The following SIPA1L2 variants were observed in gnomAD, a reference collection of about 807,000 sequenced individuals.
The protein encoded by SIPA1L2 is signal induced proliferation associated 1 like 2.
SIPA1L2 carries 56 observed loss-of-function variants against 163.9 expected under a neutral mutation model. That is an observed-to-expected ratio of 0.34 (90% CI 0.28 to 0.43). The LOEUF is 0.43. Ranked by LOEUF, SIPA1L2 falls within the 20% of genes least tolerant of loss-of-function variation. The probability of loss-of-function intolerance (pLI) is 1.00; values close to 1 mark genes in which losing one functional copy is unlikely to be tolerated. For missense variants in SIPA1L2, 1,974 were observed against 2,193.5 expected, an observed-to-expected ratio of 0.90 and a Z score of 2.00; for synonymous variants, 877 against 865.7, an observed-to-expected ratio of 1.01 and a Z score of -0.23.
At chr1:232,570,105 G>A (rs1000703083) in intron 2 of SIPA1L2, among the ~76,000 whole-genome samples, 1 of 152,204 alleles carries the variant, frequency 6.6e-6, no homozygotes, top group African/African-American at 2.4e-5. Context: ...CTGAAACACA[G>A]ACCGCTGTAA....
chr1:232,538,493 C>T (rs1657446028), intron 2 of SIPA1L2, among the ~76,000 whole-genome samples: 1 of 152,184 alleles, frequency 6.6e-6, no homozygotes, highest in African/African-American at 2.4e-5. Context: ...TGTATGGCAC[C>T]AGCTCCCTTT....
Position 232,514,968 on chromosome 1 carries a change from A to G in SIPA1L2, c.372T>C (p.Gly124=). The part of the protein sequence containing the change: ...LQNGQSDQSE[G]QQDEQLDLDF... ...CCAGATCGAGCTGTTCATCTTGCTGACCTTCACTCTGGTCACTCTGCCCAT... is the reference window on the plus strand; with the variant it reads ...CCAGATCGAGCTGTTCATCTTGCTGGCCTTCACTCTGGTCACTCTGCCCAT... The change falls in exon 3 of 23, where the codon GGT becomes GGC. Residue 124 remains glycine, a synonymous_variant. Coordinates refer to ENST00000674635, the MANE Select transcript of SIPA1L2 (RefSeq NM_020808.5). 2 of 1,614,100 alleles carry G rather than the reference A, an allele frequency of 1.2e-6. No homozygotes were observed. The highest frequency in any genetic ancestry group is 1.7e-6 in the Non-Finnish European group (2 of 1,180,010).
intron 2 of SIPA1L2, among the ~76,000 whole-genome samples, chr1:232,568,575 G>C (rs538461707): frequency 6.6e-6 from 1 of 152,318 alleles, no homozygotes; most frequent in South Asian, 2.1e-4. Context: ...GCCTTGGGAA[G>C]AGGAGGCTAA....
chr1:232,451,343 G>A (rs998118261), intron 10 of SIPA1L2, among the ~76,000 whole-genome samples: 3 of 152,120 alleles, frequency 2.0e-5, no homozygotes, highest in Admixed American at 6.6e-5. Context: ...CCCTTGGCAC[G>A]CATCCTCTCT....
intron 2 of SIPA1L2, among the ~76,000 whole-genome samples, chr1:232,529,807 A>G (rs1415172369): frequency 6.6e-6 from 1 of 152,250 alleles, no homozygotes; most frequent in Non-Finnish European, 1.5e-5. Context: ...TATGGAGGAA[A>G]AAAAGGTATT....
chr1:232,402,521 C>A (rs1156756054), intron 21 of SIPA1L2, 48 bp from the exon 22 acceptor site: 3 of 1,551,004 alleles, frequency 1.9e-6, no homozygotes, highest in African/African-American at 2.7e-5. Context: ...GTCAATCGAG[C>A]ATTTTTGTTG....
Position 232,432,418 on chromosome 1 carries a change from G to A in SIPA1L2, c.4085C>T (p.Ser1362Phe). The A allele has an allele frequency of 1.2e-6, 2 of 1,614,268 alleles. No homozygotes were observed. The highest frequency in any genetic ancestry group is 1.7e-6 in the Non-Finnish European group (2 of 1,180,056). ...GATGTAGACTTTGGATGAATCCAGA[G>A]ACCCACTACTTTTTGAACAGTGAGC... is the stretch of plus-strand genomic sequence containing the variant. ...PSAHCSKSSG[S>F]LDSSKVYIVS... The change falls in exon 16 of 23, where the codon TCT becomes TTT. Residue 1362 changes from serine to phenylalanine, a missense_variant. Coordinates refer to ENST00000674635, the MANE Select transcript of SIPA1L2 (RefSeq NM_020808.5).
At chr1:232,483,989 T>G (rs202111412) in intron 5 of SIPA1L2, 23 bp from the exon 6 acceptor site, 1 of 1,595,550 alleles carries the variant, frequency 6.3e-7, no homozygotes, top group African/African-American at 1.4e-5. Flanking sequence ...AGAAATATAA[T>G]TACTTGGCAA....
intron 1 of SIPA1L2, among the ~76,000 whole-genome samples, chr1:232,580,354 G>T (rs1241124083): frequency 2.0e-5 from 3 of 152,142 alleles, no homozygotes; most frequent in African/African-American, 7.2e-5. Context: ...ACCTCAACCT[G>T]TTTTATCAGC....
intron 15 of SIPA1L2, among the ~76,000 whole-genome samples, chr1:232,438,635 A>G (rs1331253972): frequency 6.6e-6 from 1 of 152,354 alleles, no homozygotes; most frequent in Non-Finnish European, 1.5e-5. Context: ...TGTTATACAC[A>G]TGATCTCAGG....
chr1:232,580,659 T>C (rs1174328554), intron 1 of SIPA1L2, among the ~76,000 whole-genome samples: 1 of 152,106 alleles, frequency 6.6e-6, no homozygotes, highest in African/African-American at 2.4e-5. Flanking sequence ...TCAGACAGAA[T>C]GGATGGTAAA....
chr1:232,511,605 T>C (rs1489606131), intron 3 of SIPA1L2, among the ~76,000 whole-genome samples: 1 of 152,172 alleles, frequency 6.6e-6, no homozygotes, highest in Non-Finnish European at 1.5e-5. Flanking sequence ...GGCTTCACAG[T>C]GGTTTAACGT....
intron 7 of SIPA1L2, among the ~76,000 whole-genome samples, chr1:232,475,902 A>G (rs111340883): frequency 2.2e-4 from 33 of 152,350 alleles, no homozygotes; most frequent in Middle Eastern, 6.8e-3. Context: ...AGGCAATACC[A>G]ACCCTCACTC....
chr1:232,530,297 G>A (rs1378499870), intron 2 of SIPA1L2, among the ~76,000 whole-genome samples: 1 of 151,984 alleles, frequency 6.6e-6, no homozygotes, highest in Non-Finnish European at 1.5e-5. Context: ...TGTATTTTTA[G>A]TAAAGACAGG....
chr1:232,480,625 A>T (rs529472302), intron 6 of SIPA1L2, among the ~76,000 whole-genome samples: 33 of 152,326 alleles, frequency 2.2e-4, no homozygotes, highest in African/African-American at 7.9e-4. Flanking sequence ...GACTTTTTGC[A>T]CATGGATAAT....
intron 11 of SIPA1L2, 37 bp from the exon 12 acceptor site, chr1:232,443,722 A>G: frequency 6.4e-7 from 1 of 1,557,818 alleles, no homozygotes; most frequent in South Asian, 1.2e-5. Context: ...AGGGCACTGA[A>G]CTATCTGCCA....
At chr1:232,490,640 C>G (rs1421522552) in intron 5 of SIPA1L2, 6 of 451,964 alleles carry the variant, frequency 1.3e-5, no homozygotes, top group African/African-American at 2.1e-5. Flanking sequence ...CTGGGACACA[C>G]CAAAACCTTG....
At chr1:232,483,633 T>C (rs1360595553) in intron 6 of SIPA1L2, among the ~76,000 whole-genome samples, 159 bp downstream of exon 6, 3 of 152,206 alleles carry the variant, frequency 2.0e-5, no homozygotes, top group African/African-American at 7.2e-5. Context: ...ATGTGTTTCC[T>C]TTGTTCATCT....
chr1:232,608,479 A>C (rs1209635651), intron 1 of SIPA1L2, among the ~76,000 whole-genome samples: 1 of 152,202 alleles, frequency 6.6e-6, no homozygotes, highest in Admixed American at 6.5e-5. Flanking sequence ...CTCTCAAATA[A>C]TAGAAAACAA....
Sources: allele counts gnomAD v4.1 joint callset (sites outside exome capture counted in the v4.1 genomes callset), GRCh38; gene constraint gnomAD v4.1.1; transcripts MANE v1.5; gene names NCBI Gene and HGNC (gene_info 2026-07-23, HGNC 2026-07-21).